The following KCNIP4 variants were observed in gnomAD, a reference collection of about 807,000 sequenced individuals.
KCNIP4 encodes potassium voltage-gated channel interacting protein 4.
A neutral mutation model predicts 34.0 loss-of-function variants in KCNIP4; 12 were observed. That is an observed-to-expected ratio of 0.35 (90% CI 0.23 to 0.57). The LOEUF is 0.57. KCNIP4 is among the 20% of genes least tolerant of loss of function. The probability of loss-of-function intolerance (pLI) is 0.83; values close to 1 mark genes in which losing one functional copy is unlikely to be tolerated. For synonymous variants in KCNIP4, 124 were observed against 102.2 expected (o/e 1.21, Z -1.29); for missense variants, 238 against 311.7 (o/e 0.76, Z 1.78).
chr4:21,409,088 GTT>G (rs10708207), intron 1 of KCNIP4, among the ~76,000 whole-genome samples: 7 of 150,536 alleles, frequency 4.7e-5, no homozygotes, highest in African/African-American at 1.7e-4. Flanking sequence ...AAATCTTCAA[GTT>G]TTTTTTTGTT....
intron 1 of KCNIP4, among the ~76,000 whole-genome samples, chr4:21,890,827 C>T (rs370489114): frequency 6.6e-6 from 1 of 151,990 alleles, no homozygotes; most frequent in Admixed American, 6.6e-5. Flanking sequence ...AGTGATGGTA[C>T]AATGTCCAAG....
intron 1 of KCNIP4, among the ~76,000 whole-genome samples, chr4:21,428,605 G>A (rs1395365529): frequency 6.6e-6 from 1 of 152,152 alleles, no homozygotes; most frequent in Non-Finnish European, 1.5e-5. Flanking sequence ...ACAACGCGAT[G>A]CCCATAGACG....
intron 1 of KCNIP4, among the ~76,000 whole-genome samples, chr4:21,103,800 G>T (rs1473971226): frequency 7.4e-6 from 1 of 134,964 alleles, no homozygotes; most frequent in Non-Finnish European, 1.5e-5. Context: ...TGTTCTCATT[G>T]TTCAATTCCC....
chr4:21,390,296 CT>C (rs2109511608), intron 1 of KCNIP4, among the ~76,000 whole-genome samples: 1 of 152,224 alleles, frequency 6.6e-6, no homozygotes, highest in South Asian at 2.1e-4. Flanking sequence ...TGCAGAAGCT[CT>C]TTAGTTTACT....
intron 4 of KCNIP4, among the ~76,000 whole-genome samples, chr4:20,757,899 T>C (rs1480142722): frequency 6.6e-6 from 1 of 152,208 alleles, no homozygotes; most frequent in Non-Finnish European, 1.5e-5. Flanking sequence ...TCTCTTTTTA[T>C]GTCCTCTCTG....
At chr4:21,869,095 C>A (rs1473020299) in intron 1 of KCNIP4, among the ~76,000 whole-genome samples, 1 of 152,102 alleles carries the variant, frequency 6.6e-6, no homozygotes, top group Non-Finnish European at 1.5e-5. Flanking sequence ...AATATCCAAG[C>A]AACTTGACCC....
chr4:21,683,165 T>C (rs1030051984), intron 1 of KCNIP4, among the ~76,000 whole-genome samples: 1 of 152,200 alleles, frequency 6.6e-6, no homozygotes, highest in African/African-American at 2.4e-5. Flanking sequence ...TATTGCCTCA[T>C]GCATCTTAAA....
At chr4:20,838,213 A>G (rs1719304216) in intron 3 of KCNIP4, among the ~76,000 whole-genome samples, 1 of 152,176 alleles carries the variant, frequency 6.6e-6, no homozygotes, top group Non-Finnish European at 1.5e-5. Context: ...TAAAGGAAGT[A>G]GAAAATCTCA....
chr4:20,994,095 G>T (rs1737323487), intron 1 of KCNIP4, among the ~76,000 whole-genome samples: 1 of 152,062 alleles, frequency 6.6e-6, no homozygotes. Context: ...TTATTTTAAG[G>T]ACATCTGATG....
intron 1 of KCNIP4, among the ~76,000 whole-genome samples, chr4:21,737,503 T>A (rs1036745435): frequency 6.6e-6 from 1 of 152,164 alleles, no homozygotes; most frequent in African/African-American, 2.4e-5. Flanking sequence ...GACAAATTTT[T>A]AAAAATGAGA....
intron 2 of KCNIP4, among the ~76,000 whole-genome samples, chr4:20,879,134 C>T (rs1724399123): frequency 6.6e-6 from 1 of 152,086 alleles, no homozygotes; most frequent in Non-Finnish European, 1.5e-5. Context: ...CAATTGACTG[C>T]CTAGGGGATC....
chr4:21,555,037 A>C (rs1302628168), intron 1 of KCNIP4, among the ~76,000 whole-genome samples: 4 of 152,154 alleles, frequency 2.6e-5, no homozygotes, highest in Non-Finnish European at 5.9e-5. Flanking sequence ...TTACATTAGC[A>C]TCAGGACACA....
chr4:20,878,913 A>G (rs1336722080), intron 2 of KCNIP4, among the ~76,000 whole-genome samples: 1 of 152,124 alleles, frequency 6.6e-6, no homozygotes, highest in Non-Finnish European at 1.5e-5. Flanking sequence ...ATTCAGAGAG[A>G]ACACTGACCA....
chr4:21,208,345 T>C (rs556536276), intron 1 of KCNIP4, among the ~76,000 whole-genome samples: 18 of 152,348 alleles, frequency 1.2e-4, no homozygotes, highest in African/African-American at 3.4e-4. Context: ...ACTAGACTAC[T>C]CTTTCTAAGA....
intron 1 of KCNIP4, among the ~76,000 whole-genome samples, chr4:21,788,584 C>T (rs549334970): frequency 5.9e-5 from 9 of 152,112 alleles, no homozygotes; most frequent in African/African-American, 1.2e-4. Flanking sequence ...CAAAGGGTAG[C>T]GGGCTAAGGC....
intron 1 of KCNIP4, among the ~76,000 whole-genome samples, chr4:21,141,923 G>A (rs541054775): frequency 1.6e-4 from 24 of 151,636 alleles, no homozygotes; most frequent in African/African-American, 4.8e-4. Context: ...AGGCCGAGGT[G>A]TGTGGATCAC....
intron 1 of KCNIP4, among the ~76,000 whole-genome samples, chr4:21,113,605 A>G (rs12649359): frequency 0.044 from 6,751 of 152,230 alleles, 225 homozygotes; most frequent in East Asian, 0.14. Context: ...ATTGTTCCCC[A>G]TGTCTTCCTT....
At chr4:21,558,968 C>T (rs1366035123) in intron 1 of KCNIP4, among the ~76,000 whole-genome samples, 1 of 152,092 alleles carries the variant, frequency 6.6e-6, no homozygotes, top group African/African-American at 2.4e-5. Flanking sequence ...TTAAATTGAA[C>T]CCATAATGCA....
intron 1 of KCNIP4, among the ~76,000 whole-genome samples, chr4:21,218,338 T>G (rs1306796001): frequency 1.3e-5 from 2 of 152,152 alleles, no homozygotes; most frequent in Non-Finnish European, 2.9e-5. Context: ...TTATTTATAT[T>G]TGGTGTGCTT....
Sources: allele counts gnomAD v4.1 joint callset (sites outside exome capture counted in the v4.1 genomes callset), GRCh38; gene constraint gnomAD v4.1.1; transcripts MANE v1.5; gene names NCBI Gene and HGNC (gene_info 2026-07-23, HGNC 2026-07-21).